The following TRPM2 variants were observed in gnomAD, a reference collection of about 807,000 sequenced individuals.
The protein encoded by TRPM2 is estrogen-responsive element-associated gene 1 protein.
In TRPM2, 161 loss-of-function variants were observed where a neutral mutation model predicts 174.0. The ratio of observed to expected loss-of-function variants is 0.93; its 90% CI spans 0.81 to 1.05. The LOEUF (loss-of-function observed/expected upper bound fraction) is 1.05, where lower values mean the gene tolerates loss of function less well. Among genes scored for constraint, TRPM2 ranks in the 50% least tolerant of loss-of-function variants. TRPM2 has a pLI of 0.00. For missense variants in TRPM2, 2,057 were observed against 2,038.0 expected (o/e 1.01, Z -0.18); for synonymous variants, 954 against 861.3 (o/e 1.11, Z -1.88).
intron 16 of TRPM2, 86 bp downstream of exon 16, chr21:44,401,983 AC>A: frequency 6.8e-7 from 1 of 1,464,458 alleles, no homozygotes; most frequent in Non-Finnish European, 9.5e-7. Context: ...CTTAGAGCCC[AC>A]CCCATCTAGC....
At position 44,376,488 on chromosome 21, in the gene TRPM2, T is replaced by C. The variant is rs7283877; in HGVS notation, c.952+475T>C. Reference sequence around the variant, plus strand: ...GCCTCGAACTTCTGGGCTCAAGGGATCCTCCCATCACCCTCCCAAAGTGCT... The same window carrying C: ...GCCTCGAACTTCTGGGCTCAAGGGACCCTCCCATCACCCTCCCAAAGTGCT... On this transcript the variant is annotated intron_variant, in intron 6 of 31. Transcript: ENST00000397928. This position sits in a 1 kb window ranked among gnomAD's most constrained non-coding sequence, Gnocchi z 4.2. Among the ~76,000 whole-genome samples the C allele has an allele frequency of 0.044, 6,686 of 152,126 alleles. 448 individuals are homozygous for C. The highest frequency in any genetic ancestry group is 0.14 in the African/African-American group (5,764 of 41,462).
chr21:44,408,330 A>C (rs1002150456), intron 19 of TRPM2, among the ~76,000 whole-genome samples: 4 of 151,984 alleles, frequency 2.6e-5, no homozygotes, highest in African/African-American at 9.7e-5. Flanking sequence ...TATTTCTCTT[A>C]GACACCTAGG....
intron 8 of TRPM2, among the ~76,000 whole-genome samples, chr21:44,380,802 G>T (rs1278245328): frequency 6.6e-6 from 1 of 152,162 alleles, no homozygotes; most frequent in Non-Finnish European, 1.5e-5. Flanking sequence ...GCCCACCCTC[G>T]CTCAGCCTTG....
At chr21:44,409,931 C>T (rs545082415) in intron 19 of TRPM2, among the ~76,000 whole-genome samples, 7 of 143,680 alleles carry the variant, frequency 4.9e-5, no homozygotes, top group Non-Finnish European at 4.5e-5. Context: ...AAGTTTTGAT[C>T]GTGCTGTCTT....
At position 44,379,158 on chromosome 21, in the gene TRPM2, G is replaced by T; in HGVS notation, c.1176G>T (p.Glu392Asp). 6.2e-7 allele frequency: 1 copy of T among 1,613,530 alleles called. No homozygotes were observed. Among genetic ancestry groups the T allele is most frequent in the Non-Finnish European group, 8.5e-7 (1 of 1,180,038 alleles). The change falls in exon 8 of 32, where the codon GAG becomes GAT. Residue 392 changes from glutamate (E) to aspartate (D), a missense_variant. Physicochemically the swap from Glu to Asp is conservative, Grantham distance 45. Coordinates refer to ENST00000397928, the MANE Select transcript of TRPM2 (RefSeq NM_003307.4). ...GCGTGTTCTTCCAGGAGATGTTTGA[G>T]ACCTTCACGGAAAGCAGGATTGTCG... ...KLSVFFQEMF[E>D]TFTESRIVEW...
intron 2 of TRPM2, among the ~76,000 whole-genome samples, chr21:44,362,994 G>A (rs185989184): frequency 1.3e-5 from 2 of 152,270 alleles, no homozygotes; most frequent in East Asian, 1.9e-4. Context: ...TGTTGGTCTC[G>A]AACTCCTGAC....
At chr21:44,425,198 TC>T (rs1445483003) in intron 24 of TRPM2, 1 of 517,360 alleles carries the variant, frequency 1.9e-6, no homozygotes, top group Non-Finnish European at 3.5e-6. Flanking sequence ...TGCCCTGAGC[TC>T]CCCACATACC....
chr21:44,358,475 C>T (rs931969641), intron 2 of TRPM2, among the ~76,000 whole-genome samples: 1 of 152,214 alleles, frequency 6.6e-6, no homozygotes, highest in African/African-American at 2.4e-5. Context: ...GTCCCGTTTA[C>T]GCCTATCTGG....
intron 27 of TRPM2, among the ~76,000 whole-genome samples, chr21:44,433,171 G>C (rs901980363): frequency 4.6e-5 from 7 of 152,208 alleles, no homozygotes; most frequent in Non-Finnish European, 1.0e-4. Flanking sequence ...CATGTGGTAG[G>C]AGCTGGCAGG....
chr21:44,441,045 G>A, intron 31 of TRPM2, 140 bp downstream of exon 31: 1 of 720,248 alleles, frequency 1.4e-6, no homozygotes, highest in Non-Finnish European at 2.4e-6. Flanking sequence ...TCCGGGGAGA[G>A]GGAAGGCGGG....
intron 27 of TRPM2, 116 bp downstream of exon 27, chr21:44,427,227 C>T (rs910324039): frequency 1.3e-5 from 11 of 865,520 alleles, no homozygotes; most frequent in Middle Eastern, 2.3e-4. Context: ...AAAAAAAGCA[C>T]GTGAGCCACC....
At chr21:44,378,678 G>A (rs41389047) in intron 7 of TRPM2, among the ~76,000 whole-genome samples, 1,801 of 152,234 alleles carry the variant, frequency 0.012, 30 homozygotes, top group African/African-American at 0.041. Context: ...TTATGAGGTC[G>A]GTAACTCCAG....
chr21:44,391,915 C>A lies in TRPM2; in HGVS notation c.1794+290C>A, dbSNP rs189678630. ...TGGCTGCCCTCTTGCTGTGTCTTCA[C>A]GTGACAGAGAGAGAAGTCTCTGGTG... On this transcript the variant is annotated intron_variant, in intron 11 of 31. Coordinates refer to ENST00000397928, the MANE Select transcript of TRPM2 (RefSeq NM_003307.4). The surrounding 1 kb of genome is among the most constrained non-coding windows in gnomAD (Gnocchi z 5.0). Among the ~76,000 whole-genome samples, 190 of 152,266 alleles carry A rather than the reference C, an allele frequency of 1.2e-3. 1 individual carries two copies. Among genetic ancestry groups the A allele is most frequent in the Admixed American group, 0.011 (175 of 15,294 alleles).
rs377032180 is a variant in TRPM2 at position 44,367,822 on chromosome 21, C to A, written c.604+888C>A. On this transcript the variant is annotated intron_variant, in intron 4 of 31. Transcript: ENST00000397928. This position sits in a 1 kb window ranked among gnomAD's most constrained non-coding sequence, Gnocchi z 4.6. ...TTGTCTGCCTGGTGAGCGTGAGGCACGGCTGCATCTTTTGACCTGTGAGTC... is the reference window on the plus strand; with the variant it reads ...TTGTCTGCCTGGTGAGCGTGAGGCAAGGCTGCATCTTTTGACCTGTGAGTC... Among the ~76,000 whole-genome samples, 1 of 152,222 alleles carries A rather than the reference C, an allele frequency of 6.6e-6. No homozygotes were observed. The highest frequency in any genetic ancestry group is 2.4e-5 in the African/African-American group (1 of 41,458).
chr21:44,366,765 C>G lies in TRPM2; in HGVS notation c.435C>G (p.Val145=). Residue 145 remains valine (V), a synonymous_variant, in exon 4 of 32, where the codon GTC becomes GTG. Transcript: ENST00000397928. The surrounding 1 kb of genome is among the most constrained non-coding windows in gnomAD (Gnocchi z 6.0). ...LSQKVKKYVR[V]SQDTPSSVIY... is the part of the protein sequence containing the mutation. ...TCCCTTTCCCGCAGTACGTCCGAGTCTCCCAGGACACGCCCTCCAGCGTGA... is the reference window on the plus strand; with the variant it reads ...TCCCTTTCCCGCAGTACGTCCGAGTGTCCCAGGACACGCCCTCCAGCGTGA... The G allele has an allele frequency of 1.9e-6, 3 of 1,614,010 alleles. No homozygotes were observed. Among genetic ancestry groups the G allele is most frequent in the East Asian group, 2.2e-5 (1 of 44,854 alleles).
At chr21:44,408,041 G>A (rs750050057) in intron 19 of TRPM2, among the ~76,000 whole-genome samples, 133 of 151,838 alleles carry the variant, frequency 8.8e-4, no homozygotes, top group Admixed American at 1.4e-3. Context: ...CACCTCCTGG[G>A]TTCAAGCAAT....
At chr21:44,375,708 T>A (rs2048676739) in intron 5 of TRPM2, 125 bp from the exon 6 acceptor site, 4 of 1,155,500 alleles carry the variant, frequency 3.5e-6, no homozygotes, top group Non-Finnish European at 4.8e-6. Flanking sequence ...CTTTCTCCAA[T>A]AAGGCCACGT....
In TRPM2 at chr21:44,425,685, C is replaced by A. The variant is rs200807570; in HGVS notation, c.3653C>A (p.Ala1218Glu). 6.8e-4 allele frequency: 1,048 copies of A among 1,535,754 alleles called. 4 individuals carry two copies. The Middle Eastern group carries it at 8.1e-3, about 12-fold the overall frequency. Reference sequence around the variant, plus strand: ...CTGTCCCCAGCCTCCCAGAAGGCCGCGGAGGAGCCGGATGCTGAGCCGGGA... The same window carrying A: ...CTGTCCCCAGCCTCCCAGAAGGCCGAGGAGGAGCCGGATGCTGAGCCGGGA... ...DVPTLASQKA[A>E]EEPDAEPGGR... Residue 1218 changes from alanine (A) to glutamate (E), a missense_variant, in exon 25 of 32, where the codon GCG (alanine) becomes GAG (glutamate). Transcript: ENST00000397928.
At position 44,410,855 on chromosome 21, in the gene TRPM2, G is replaced by A. The variant is rs376718688; in HGVS notation, c.2963-3036G>A. Among the ~76,000 whole-genome samples the A allele has an allele frequency of 5.2e-5, 4 of 76,870 alleles. 1 individual carries two copies. Among genetic ancestry groups the A allele is most frequent in the African/African-American group, 8.1e-5 (2 of 24,776 alleles). 50.4% of individuals were successfully genotyped at this position (76,870 alleles called of 152,430 possible). A position where few individuals can be genotyped will look rare whatever the true frequency, so the allele number is the denominator to read the frequency against. On this transcript the variant is annotated intron_variant, in intron 19 of 31. Coordinates refer to ENST00000397928, the MANE Select transcript of TRPM2 (RefSeq NM_003307.4). ...CGTAGCCTTGTAGTAAGTTTTGACC[G>A]CACTGTCTTGGTGAGCGTAGTCTTG...
Sources: allele counts gnomAD v4.1 joint callset (sites outside exome capture counted in the v4.1 genomes callset), GRCh38; gene constraint gnomAD v4.1.1; non-coding constraint Gnocchi (gnomAD v3.1); transcripts MANE v1.5; gene names NCBI Gene and HGNC (gene_info 2026-07-23, HGNC 2026-07-21).